Variants in CNTN5 observed in about 807,000 individuals in gnomAD.
CNTN5 encodes the protein contactin-5.
In CNTN5, 77 loss-of-function variants were observed where a neutral mutation model predicts 129.1. That is an observed-to-expected ratio of 0.60 (90% confidence interval 0.50 to 0.72). The LOEUF (loss-of-function observed/expected upper bound fraction) is 0.72. CNTN5 is among the 30% of genes least tolerant of loss of function. The pLI, the probability that CNTN5 is intolerant of heterozygous loss-of-function variation, is 0.00. For synonymous variants in CNTN5, 509 were observed against 465.6 expected (o/e 1.09, Z -1.20); for missense variants, 1,478 against 1,328.8 (o/e 1.11, Z -1.75).
intron 1 of CNTN5, among the ~76,000 whole-genome samples, chr11:99,198,337 T>A (rs1189506121): frequency 6.6e-6 from 1 of 152,142 alleles, no homozygotes; most frequent in East Asian, 1.9e-4. Flanking sequence ...ATGAAGTTGA[T>A]CTCAGCATAA....
chr11:100,212,066 A>G (rs1949045181), intron 15 of CNTN5, among the ~76,000 whole-genome samples: 2 of 152,114 alleles, frequency 1.3e-5, no homozygotes, highest in African/African-American at 4.8e-5. Context: ...ATCCTCATGT[A>G]TGTCCTTCTG....
chr11:100,223,708 C>A (rs1949315033), intron 15 of CNTN5, among the ~76,000 whole-genome samples: 1 of 152,062 alleles, frequency 6.6e-6, no homozygotes, highest in South Asian at 2.1e-4. Flanking sequence ...TCATTTCAAG[C>A]AGCATGCATC....
intron 16 of CNTN5, among the ~76,000 whole-genome samples, chr11:100,241,714 G>A (rs1475589334): frequency 1.3e-5 from 2 of 152,004 alleles, no homozygotes; most frequent in Non-Finnish European, 2.9e-5. Context: ...GGAAAGGATG[G>A]TTTAATTTTT....
intron 3 of CNTN5, among the ~76,000 whole-genome samples, chr11:99,622,004 C>A (rs1451071110): frequency 6.6e-6 from 1 of 152,168 alleles, no homozygotes; most frequent in East Asian, 1.9e-4. Context: ...CTCGTTTTAT[C>A]TGGAACACTT....
intron 13 of CNTN5, among the ~76,000 whole-genome samples, chr11:100,179,276 T>C (rs1948065682): frequency 1.3e-5 from 2 of 152,120 alleles, no homozygotes; most frequent in South Asian, 4.1e-4. Flanking sequence ...TCTAGTTTCA[T>C]GAGTTCAACT....
At chr11:99,340,768 T>G (rs1866475718) in intron 2 of CNTN5, among the ~76,000 whole-genome samples, 1 of 152,168 alleles carries the variant, frequency 6.6e-6, no homozygotes, top group Admixed American at 6.5e-5. Context: ...TAAAAATAAT[T>G]CTATAAAATA....
At chr11:100,214,692 T>C (rs1293512619) in intron 15 of CNTN5, among the ~76,000 whole-genome samples, 1 of 152,180 alleles carries the variant, frequency 6.6e-6, no homozygotes, top group Non-Finnish European at 1.5e-5. Context: ...CCTTCCAACC[T>C]TTGCACACCT....
intron 2 of CNTN5, among the ~76,000 whole-genome samples, chr11:99,505,653 G>C (rs1220032551): frequency 6.6e-6 from 1 of 152,116 alleles, no homozygotes; most frequent in Non-Finnish European, 1.5e-5. Context: ...CGTAAGGCTT[G>C]GATGCTGGAA....
rs185786948 is a variant in CNTN5 at position 100,173,552 on chromosome 11, G to A, written c.1581-17574G>A. Among the ~76,000 whole-genome samples, 25 of 152,236 alleles carry A rather than the reference G, an allele frequency of 1.6e-4. 1 individual carries two copies. The highest frequency in any genetic ancestry group is 6.2e-4 in the South Asian group (3 of 4,820). Reference sequence around the variant, plus strand: ...AAAGGCAAGAGTATGCAAGTTTCCCGTGGGTTGGATGGATGGACTTTGGAG... The same window carrying A: ...AAAGGCAAGAGTATGCAAGTTTCCCATGGGTTGGATGGATGGACTTTGGAG... On this transcript the variant is annotated intron_variant, in intron 13 of 24. Coordinates refer to ENST00000524871, the MANE Select transcript of CNTN5 (RefSeq NM_014361.4).
intron 4 of CNTN5, among the ~76,000 whole-genome samples, chr11:99,837,255 T>C (rs540622174): frequency 7.9e-5 from 12 of 152,318 alleles, no homozygotes; most frequent in African/African-American, 2.9e-4. Flanking sequence ...TTTAATAGTT[T>C]AAAATGATTT....
intron 2 of CNTN5, among the ~76,000 whole-genome samples, chr11:99,347,903 A>G (rs937354755): frequency 1.2e-4 from 19 of 152,326 alleles, no homozygotes; most frequent in Admixed American, 4.6e-4. Flanking sequence ...CTTTAAAAAT[A>G]CGATCAAGGT....
intron 2 of CNTN5, among the ~76,000 whole-genome samples, chr11:99,517,854 G>A (rs1262512629): frequency 6.6e-6 from 1 of 152,226 alleles, no homozygotes; most frequent in East Asian, 1.9e-4. Context: ...CTGGGATTAA[G>A]TTTAGGGTTA....
In CNTN5 at chr11:99,788,663, G is replaced by A. The variant is rs116910337; in HGVS notation, c.56-30881G>A. On this transcript the variant is annotated intron_variant, in intron 3 of 24. Coordinates refer to ENST00000524871, the MANE Select transcript of CNTN5 (RefSeq NM_014361.4). Reference sequence around the variant, plus strand: ...AACAACTTTATTATATATGCAGAGTGTGCTAAAGATGCCTGTAAGGAAACA... The same window carrying A: ...AACAACTTTATTATATATGCAGAGTATGCTAAAGATGCCTGTAAGGAAACA... Among the ~76,000 whole-genome samples, 562 of 151,938 alleles carry A rather than the reference G, an allele frequency of 3.7e-3. 4 individuals are homozygous for A. The highest frequency in any genetic ancestry group is 0.013 in the African/African-American group (535 of 41,524).
At chr11:99,128,054 C>T (rs77709023) in intron 1 of CNTN5, among the ~76,000 whole-genome samples, 12,168 of 152,220 alleles carry the variant, frequency 0.08, 655 homozygotes, top group South Asian at 0.12. Flanking sequence ...TGATCAACCT[C>T]ATTCCAATAA....
Position 100,149,611 on chromosome 11 carries a change from G to T in CNTN5, c.1581-41515G>T, listed in dbSNP as rs961650858. On this transcript the variant is annotated intron_variant, in intron 13 of 24. Transcript: ENST00000524871. ...CAAATGATATTAGGAATCTCATGGG[G>T]GCCAGGTGCGGTAGCTCACACCTGT... Among the ~76,000 whole-genome samples, 25 of 152,116 alleles carry T rather than the reference G, an allele frequency of 1.6e-4. 1 individual carries two copies. The highest frequency in any genetic ancestry group is 4.4e-5 in the Non-Finnish European group (3 of 68,022).
At chr11:99,076,211 T>G (rs1865561770) in intron 1 of CNTN5, among the ~76,000 whole-genome samples, 1 of 152,050 alleles carries the variant, frequency 6.6e-6, no homozygotes, top group Non-Finnish European at 1.5e-5. Context: ...GGTGTATGCC[T>G]GTAACCTCAG....
chr11:99,407,253 C>T (rs937395400), intron 2 of CNTN5, among the ~76,000 whole-genome samples: 3 of 152,166 alleles, frequency 2.0e-5, no homozygotes, highest in Non-Finnish European at 4.4e-5. Context: ...GGCCCAAGGG[C>T]TCTTCAGTTA....
chr11:99,541,898 A>T (rs1411672040), intron 2 of CNTN5, among the ~76,000 whole-genome samples: 3 of 146,556 alleles, frequency 2.0e-5, no homozygotes, highest in Non-Finnish European at 4.5e-5. Flanking sequence ...GCAGGGCTAC[A>T]GTGAGGTGTG....
chr11:99,878,226 C>T (rs1263920918), intron 6 of CNTN5, among the ~76,000 whole-genome samples: 1 of 152,090 alleles, frequency 6.6e-6, no homozygotes, highest in East Asian at 1.9e-4. Context: ...CTGTTGAGAG[C>T]CCTGGAATCA....
Sources: gnomAD v4.1 joint callset for allele counts (sites outside exome capture counted in the v4.1 genomes callset) on GRCh38, gnomAD v4.1.1 for gene constraint, MANE v1.5 for transcripts, NCBI Gene and HGNC (gene_info 2026-07-23, HGNC 2026-07-21) for gene names.